CCT6B: variants seen among roughly 807,000 people sequenced by gnomAD.
CCT6B encodes the protein probable T-complex protein 1 subunit zeta-2.
Under a neutral mutation model 61.5 loss-of-function variants are expected in CCT6B, and 49 were observed. That is an observed-to-expected ratio of 0.80 (90% confidence interval 0.63 to 1.01). The LOEUF (loss-of-function observed/expected upper bound fraction) is 1.01, where lower values mean the gene tolerates loss of function less well. CCT6B is among the 50% of genes least tolerant of loss of function. The pLI is 0.00. For missense variants in CCT6B, 666 were observed against 634.7 expected (o/e 1.05, Z -0.53); for synonymous variants, 228 against 214.5 (o/e 1.06, Z -0.55).
intron 10 of CCT6B, among the ~76,000 whole-genome samples, chr17:34,933,323 A>G (rs1206041260): frequency 1.3e-5 from 2 of 152,216 alleles, no homozygotes; most frequent in Non-Finnish European, 2.9e-5. Flanking sequence ...TCACATCAGG[A>G]TATCACTTTT....
intron 8 of CCT6B, 27 bp downstream of exon 8, chr17:34,940,512 A>T: frequency 8.3e-7 from 1 of 1,207,990 alleles, no homozygotes; most frequent in Non-Finnish European, 1.2e-6. Flanking sequence ...TTAAAAACTT[A>T]GGATATATAA....
Position 34,938,147 on chromosome 17 carries a change from C to T in CCT6B, c.1213+1036G>A, listed in dbSNP as rs557562946. Among the ~76,000 whole-genome samples, 46 of 152,224 alleles carry T rather than the reference C, an allele frequency of 3.0e-4. No individual in the cohort carries two copies. In the South Asian group the frequency reaches 9.1e-3, roughly 30 times the overall value. ...TCAAGCAATCCTCCCATCTTGGCCT[C>T]CCAAAGTGCTGGAATTACAGGTGAG... On this transcript the variant is annotated intron_variant, in intron 10 of 13. Transcript: ENST00000314144.
chr17:34,931,322 C>T (rs545646704), intron 11 of CCT6B, among the ~76,000 whole-genome samples: 1 of 152,158 alleles, frequency 6.6e-6, no homozygotes, highest in South Asian at 2.1e-4. Flanking sequence ...CATTAATTTC[C>T]CTCCTTGCAA....
intron 5 of CCT6B, among the ~76,000 whole-genome samples, chr17:34,946,599 A>G (rs977040787): frequency 6.6e-6 from 1 of 152,202 alleles, no homozygotes; most frequent in Non-Finnish European, 1.5e-5. Flanking sequence ...CTAATAAAAG[A>G]ATATTACAAT....
chr17:34,939,740 C>T (rs2090139382), intron 8 of CCT6B, 27 bp from the exon 9 acceptor site: 1 of 1,352,466 alleles, frequency 7.4e-7, no homozygotes, highest in Admixed American at 1.7e-5. Context: ...GTCACCATAG[C>T]TTGATTATGG....
intron 10 of CCT6B, 52 bp downstream of exon 10, chr17:34,939,131 A>G: frequency 7.1e-7 from 1 of 1,402,436 alleles, no homozygotes; most frequent in Non-Finnish European, 1.0e-6. Flanking sequence ...ATATATATAC[A>G]TATATACACA....
At chr17:34,961,224 G>A (rs1215305816) in intron 1 of CCT6B, 33 bp downstream of exon 1, 2 of 1,576,618 alleles carry the variant, frequency 1.3e-6, no homozygotes, top group African/African-American at 2.7e-5. Flanking sequence ...CGGGCCCCTA[G>A]CCGCGTAATG....
chr17:34,954,413 T>C lies in CCT6B; in HGVS notation c.510+13A>G, dbSNP rs551523061. 6.3e-7 allele frequency: 1 copy of C among 1,583,918 alleles called. No individual in the cohort carries two copies. The highest frequency in any genetic ancestry group is 1.2e-5 in the South Asian group (1 of 85,836). Reference sequence around the variant, plus strand: ...GCTATATTTGTTCTGAATGCAAAAGTTTAATAACATACCTCTGTTAAGACA... The same window carrying C: ...GCTATATTTGTTCTGAATGCAAAAGCTTAATAACATACCTCTGTTAAGACA... On this transcript the variant is annotated intron_variant, in intron 4 of 13. Coordinates refer to ENST00000314144, the MANE Select transcript of CCT6B (RefSeq NM_006584.4).
rs766044194 is a variant in CCT6B at position 34,928,091 on chromosome 17, A to G, written c.1550T>C (p.Leu517Pro). 16 of 1,612,310 alleles carry G rather than the reference A, an allele frequency of 9.9e-6. No homozygotes were observed. Among genetic ancestry groups the G allele is most frequent in the Non-Finnish European group, 1.1e-5 (13 of 1,179,186 alleles). ...SCTVIATNILLVDEIMRAGMS... is the reference protein window; with the variant it reads ...SCTVIATNILPVDEIMRAGMS... ...CCCAGCTCGCATAATTTCATCAACC[A>G]GGAGAATGTTGGTGGCAATCACTGT... The change falls in exon 14 of 14, where the codon CTG (leucine) becomes CCG (proline). Residue 517 changes from leucine to proline, a missense_variant. Leu to Pro is a moderately conservative substitution (Grantham distance 98). Coordinates refer to ENST00000314144, the MANE Select transcript of CCT6B (RefSeq NM_006584.4).
chr17:34,939,366 T>A (rs373049805), intron 9 of CCT6B, 36 bp from the exon 10 acceptor site: 1 of 1,529,872 alleles, frequency 6.5e-7, no homozygotes, highest in Non-Finnish European at 9.0e-7. Flanking sequence ...ACTTTAATAT[T>A]TGATGTCATT....
chr17:34,959,597 A>G lies in CCT6B; in HGVS notation c.191T>C (p.Leu64Pro), dbSNP rs771499876. The G allele has an allele frequency of 1.2e-6, 2 of 1,612,198 alleles. No homozygotes were observed. The highest frequency in any genetic ancestry group is 2.2e-5 in the South Asian group (2 of 91,018). The stretch of plus-strand genomic sequence containing the variant: ...GCAGCATCAGCTCACCATCTCATCG[A>G]GCAGCACATTGCCATCTTTGGTGAG... ...IKLTKDGNVL[L>P]DEMQIQHPTA... The change falls in exon 2 of 14, where the codon CTC (leucine) becomes CCC (proline). Residue 64 changes from leucine to proline, a missense_variant. By Grantham distance (98) the Leu-to-Pro change is moderately conservative. Transcript: ENST00000314144.
chr17:34,947,965 C>A, intron 5 of CCT6B, among the ~76,000 whole-genome samples: 1 of 145,904 alleles, frequency 6.9e-6, no homozygotes. Flanking sequence ...GACAGAGTGA[C>A]ACTCCGTCTC....
chr17:34,934,255 AT>A (rs749870761), intron 10 of CCT6B, among the ~76,000 whole-genome samples: 3 of 152,230 alleles, frequency 2.0e-5, no homozygotes, highest in Non-Finnish European at 4.4e-5. Flanking sequence ...AAATGAGAAA[AT>A]TTATATCACT....
At chr17:34,961,113 G>C in intron 1 of CCT6B, 144 bp downstream of exon 1, 3 of 1,069,452 alleles carry the variant, frequency 2.8e-6, no homozygotes, top group South Asian at 4.0e-5. Flanking sequence ...CACCAGGCGA[G>C]AAATACCCCC....
At chr17:34,937,150 C>A (rs1288550570) in intron 10 of CCT6B, among the ~76,000 whole-genome samples, 1 of 151,702 alleles carries the variant, frequency 6.6e-6, no homozygotes, top group Admixed American at 6.6e-5. Flanking sequence ...AGAGTAAGAT[C>A]CTTTCTAAAA....
chr17:34,955,343 G>T (rs757365784), intron 3 of CCT6B, among the ~76,000 whole-genome samples: 2 of 152,096 alleles, frequency 1.3e-5, no homozygotes, highest in African/African-American at 2.4e-5. Flanking sequence ...ATGTGTTAAT[G>T]TTATTATTAA....
At chr17:34,953,343 T>TA (rs1439709336) in intron 4 of CCT6B, among the ~76,000 whole-genome samples, 31 of 134,502 alleles carry the variant, frequency 2.3e-4, no homozygotes, top group African/African-American at 7.4e-4. Flanking sequence ...ATATATATAT[T>TA]TTTTTGAGAC....
Position 34,940,594 on chromosome 17 carries a change from GAGAATCTA to G in CCT6B, c.905_912del (p.Leu302SerfsTer33). 6.4e-7 allele frequency: 1 copy of G among 1,565,746 alleles called. No homozygotes were observed. The highest frequency in any genetic ancestry group is 8.7e-7 in the Non-Finnish European group (1 of 1,149,042). On this transcript the variant is annotated frameshift_variant, in exon 8 of 14. Transcript: ENST00000314144. LOFTEE classifies it high-confidence loss of function. ...AGAGCTACTATTCCATGTTTTGCAA[GAGAATCTA>G]AGGAAAATGGATCAATTCCCTATAA...
chr17:34,958,770 G>C, intron 2 of CCT6B, 76 bp from the exon 3 acceptor site: 1 of 1,067,058 alleles, frequency 9.4e-7, no homozygotes, highest in Non-Finnish European at 1.3e-6. Context: ...AGATAACCTA[G>C]GGGTCAGTAG....
Sources: allele counts gnomAD v4.1 joint callset (sites outside exome capture counted in the v4.1 genomes callset), GRCh38; gene constraint gnomAD v4.1.1; transcripts MANE v1.5; gene names NCBI Gene and HGNC (gene_info 2026-07-23, HGNC 2026-07-21).